The following RPSA2 variants were observed in gnomAD, a reference collection of about 807,000 sequenced individuals.
RPSA2 encodes ribosomal protein SA 2.
At chr19:23,852,648 C>T in the RPSA2 span, among the ~76,000 whole-genome samples, 148,874 of 152,208 alleles carry the variant, frequency 0.98, 72,899 homozygotes, top group Middle Eastern at 1. Context: ...GTGTTCCTTG[C>T]CCTCATTCCC....
At chr19:23,849,732 GT>G in the RPSA2 span, among the ~76,000 whole-genome samples, 4 of 152,062 alleles carry the variant, frequency 2.6e-5, no homozygotes, top group African/African-American at 9.7e-5. Context: ...CGGAGCAATT[GT>G]TTTTTAAATA....
At chr19:23,781,674 C>T in the RPSA2 span, among the ~76,000 whole-genome samples, 2 of 152,170 alleles carry the variant, frequency 1.3e-5, no homozygotes, top group East Asian at 1.9e-4. Flanking sequence ...TTGAGGCTCT[C>T]ATGCACAAAT....
chr19:23,806,962 G>A, the RPSA2 span, among the ~76,000 whole-genome samples: 1 of 152,012 alleles, frequency 6.6e-6, no homozygotes, highest in Admixed American at 6.6e-5. Context: ...TACTTTAGTG[G>A]GGGGCCATAT....
chr19:23,839,408 C>T, the RPSA2 span, among the ~76,000 whole-genome samples: 1 of 152,110 alleles, frequency 6.6e-6, no homozygotes, highest in South Asian at 2.1e-4. Flanking sequence ...AGTCACAGGC[C>T]TCACTCAGCT....
chr19:23,833,136 C>T, the RPSA2 span: 3 of 1,206,262 alleles, frequency 2.5e-6, no homozygotes, highest in African/African-American at 4.7e-5. Context: ...GTTTAAAACC[C>T]TACAAATGGG....
chr19:23,867,808 C>T, the RPSA2 span, among the ~76,000 whole-genome samples: 3 of 136,184 alleles, frequency 2.2e-5, no homozygotes, highest in South Asian at 2.3e-4. Flanking sequence ...CCAGCCTGGG[C>T]GACAGAGCGA....
chr19:23,809,880 A>G, the RPSA2 span, among the ~76,000 whole-genome samples: 2 of 152,220 alleles, frequency 1.3e-5, no homozygotes, highest in African/African-American at 4.8e-5. Flanking sequence ...AGAAGCATTG[A>G]CAATAAGAAA....
At chr19:23,781,581 T>C in the RPSA2 span, among the ~76,000 whole-genome samples, 13 of 152,088 alleles carry the variant, frequency 8.5e-5, no homozygotes, top group African/African-American at 3.1e-4. Flanking sequence ...TCAAGTGATC[T>C]GCCCACCTCG....
the RPSA2 span, among the ~76,000 whole-genome samples, chr19:23,808,100 G>A: frequency 6.6e-6 from 1 of 151,980 alleles, no homozygotes; most frequent in Non-Finnish European, 1.5e-5. Flanking sequence ...ATTTCATCTT[G>A]ACCTGAACTT....
At chr19:23,850,039 G>A in the RPSA2 span, among the ~76,000 whole-genome samples, 1 of 152,128 alleles carries the variant, frequency 6.6e-6, no homozygotes, top group East Asian at 2.0e-4. Context: ...ATACAACCAG[G>A]TGCATGTCTG....
chr19:23,825,570 G>A, the RPSA2 span, among the ~76,000 whole-genome samples: 25 of 151,930 alleles, frequency 1.6e-4, no homozygotes, highest in Non-Finnish European at 2.1e-4. Context: ...CTAATTCTGC[G>A]TAGATGAGTC....
At chr19:23,868,345 G>A in the RPSA2 span, among the ~76,000 whole-genome samples, 149,005 of 152,330 alleles carry the variant, frequency 0.98, 72,969 homozygotes, top group Middle Eastern at 1. Flanking sequence ...GTCTGTCGCC[G>A]TTTGCTCATA....
the RPSA2 span, among the ~76,000 whole-genome samples, chr19:23,813,416 T>A: frequency 6.6e-6 from 1 of 152,070 alleles, no homozygotes; most frequent in Non-Finnish European, 1.5e-5. Flanking sequence ...TTTTTATGAG[T>A]GTGACTATTT....
At chr19:23,856,703 G>A in the RPSA2 span, among the ~76,000 whole-genome samples, 1 of 152,104 alleles carries the variant, frequency 6.6e-6, no homozygotes, top group East Asian at 1.9e-4. Context: ...GAAATAAAGA[G>A]TACAAAGGTA....
At chr19:23,860,942 C>T in the RPSA2 span, among the ~76,000 whole-genome samples, 4 of 152,142 alleles carry the variant, frequency 2.6e-5, no homozygotes, top group African/African-American at 9.7e-5. Flanking sequence ...ACTGGTGACC[C>T]CATCTCAAAC....
the RPSA2 span, among the ~76,000 whole-genome samples, chr19:23,836,368 C>A: frequency 3.5e-4 from 53 of 151,980 alleles, no homozygotes; most frequent in African/African-American, 1.1e-3. Context: ...CACACACACA[C>A]ACAGACACAC....
chr19:23,830,003 G>A, the RPSA2 span, among the ~76,000 whole-genome samples: 2 of 150,790 alleles, frequency 1.3e-5, no homozygotes, highest in East Asian at 3.9e-4. Flanking sequence ...TATATGTAGG[G>A]CATATGCAGT....
At chr19:23,780,418 C>T in the RPSA2 span, among the ~76,000 whole-genome samples, 4 of 151,970 alleles carry the variant, frequency 2.6e-5, no homozygotes, top group Non-Finnish European at 4.4e-5. Context: ...CTGAGGTGGG[C>T]GGATCACAAG....
the RPSA2 span, among the ~76,000 whole-genome samples, chr19:23,793,205 GCTTTCTTTTT>G: frequency 6.7e-6 from 1 of 148,296 alleles, no homozygotes; most frequent in Non-Finnish European, 1.5e-5. Flanking sequence ...GAAAGAGGTG[GCTTTCTTTTT>G]TTTTTTTTTT....
Sources: gnomAD v4.1 joint callset for allele counts (sites outside exome capture counted in the v4.1 genomes callset) on GRCh38, gnomAD v4.1.1 for gene constraint, MANE v1.5 for transcripts, NCBI Gene and HGNC (gene_info 2026-07-23, HGNC 2026-07-21) for gene names.